EPHA6: variants seen among roughly 807,000 people sequenced by gnomAD.
The protein encoded by EPHA6 is EPH receptor A6, also known as ephrin type-A receptor 6.
Under a neutral mutation model 112.0 loss-of-function variants are expected in EPHA6, and 50 were observed. That is an observed-to-expected ratio of 0.45 (90% CI 0.36 to 0.56). The LOEUF (loss-of-function observed/expected upper bound fraction) is 0.56, where lower values mean the gene tolerates loss of function less well. Among genes scored for constraint, EPHA6 ranks in the 20% least tolerant of loss-of-function variants. EPHA6 has a pLI of 0.00. For synonymous variants in EPHA6, 529 were observed against 490.7 expected (o/e 1.08, Z -1.03); for missense variants, 1,280 against 1,417.4 (o/e 0.90, Z 1.56).
At chr3:97,054,071 G>A (rs1345967094) in intron 3 of EPHA6, among the ~76,000 whole-genome samples, 2 of 151,716 alleles carry the variant, frequency 1.3e-5, no homozygotes, top group African/African-American at 4.8e-5. Context: ...CACCTAGGGG[G>A]CTTACTACAT....
intron 14 of EPHA6, chr3:97,646,055 T>C: frequency 7.9e-7 from 1 of 1,265,040 alleles, no homozygotes; most frequent in South Asian, 1.6e-5. Context: ...ATGGAAGCTA[T>C]CCTTTTCTAA....
intron 1 of EPHA6, among the ~76,000 whole-genome samples, chr3:96,839,639 C>T (rs1025852834): frequency 1.3e-5 from 2 of 151,838 alleles, no homozygotes; most frequent in African/African-American, 4.8e-5. Context: ...AGAATGCTTA[C>T]CCTGGAAATG....
chr3:97,148,955 C>T (rs1318148911), intron 3 of EPHA6, among the ~76,000 whole-genome samples: 1 of 152,096 alleles, frequency 6.6e-6, no homozygotes, highest in Non-Finnish European at 1.5e-5. Flanking sequence ...ATTTTGGCCC[C>T]TCTTGCTGAA....
intron 3 of EPHA6, among the ~76,000 whole-genome samples, chr3:97,177,123 C>T (rs1046879040): frequency 6.6e-6 from 1 of 151,776 alleles, no homozygotes; most frequent in Admixed American, 6.6e-5. Flanking sequence ...TTATTAATTT[C>T]TTCATTGACC....
At chr3:97,105,811 A>G (rs2047550564) in intron 3 of EPHA6, among the ~76,000 whole-genome samples, 1 of 152,094 alleles carries the variant, frequency 6.6e-6, no homozygotes, top group South Asian at 2.1e-4. Context: ...GTCTCTAAGA[A>G]CTTGTTTTAT....
At chr3:97,183,857 A>G (rs974258736) in intron 3 of EPHA6, among the ~76,000 whole-genome samples, 1 of 152,124 alleles carries the variant, frequency 6.6e-6, no homozygotes, top group Non-Finnish European at 1.5e-5. Context: ...TGGATTCTGC[A>G]GAAGCTGATA....
chr3:97,169,692 T>G (rs1163149560), intron 3 of EPHA6, among the ~76,000 whole-genome samples: 1 of 152,190 alleles, frequency 6.6e-6, no homozygotes, highest in Non-Finnish European at 1.5e-5. Context: ...ATGCAGCCAT[T>G]TATGTATTGA....
intron 6 of EPHA6, among the ~76,000 whole-genome samples, chr3:97,443,359 CAAAAAA>C (rs5851066): frequency 1.5e-5 from 1 of 68,230 alleles, no homozygotes; most frequent in African/African-American, 5.1e-5. Flanking sequence ...TAAGACATCG[CAAAAAA>C]AAAAAAAAAA....
At chr3:97,598,138 AT>A (rs1004804695) in intron 12 of EPHA6, among the ~76,000 whole-genome samples, 31 of 151,002 alleles carry the variant, frequency 2.1e-4, no homozygotes, top group East Asian at 1.8e-3. Flanking sequence ...TTTATTTTTT[AT>A]TTTTTTTATT....
intron 3 of EPHA6, among the ~76,000 whole-genome samples, chr3:97,067,673 G>A (rs187404074): frequency 1.3e-5 from 2 of 152,122 alleles, no homozygotes; most frequent in South Asian, 2.1e-4. Flanking sequence ...TTAAAGAGGA[G>A]CAATTTTCAA....
At chr3:96,848,628 A>T (rs1050925748) in intron 1 of EPHA6, among the ~76,000 whole-genome samples, 6 of 135,238 alleles carry the variant, frequency 4.4e-5, no homozygotes, top group Non-Finnish European at 8.8e-5. Context: ...CCGTCTATTT[A>T]AAAAAAATTA....
At chr3:97,186,221 AT>A (rs1049244633) in intron 3 of EPHA6, among the ~76,000 whole-genome samples, 1 of 150,220 alleles carries the variant, frequency 6.7e-6, no homozygotes, top group Non-Finnish European at 1.5e-5. Context: ...ATAAAAAAAA[AT>A]GTCATCCTCA....
chr3:97,116,873 A>C (rs944604704), intron 3 of EPHA6, among the ~76,000 whole-genome samples: 1 of 151,648 alleles, frequency 6.6e-6, no homozygotes, highest in Non-Finnish European at 1.5e-5. Context: ...GCTGGATCAT[A>C]TGGTAGTTTT....
intron 6 of EPHA6, among the ~76,000 whole-genome samples, chr3:97,409,339 G>A (rs554819491): frequency 6.6e-6 from 1 of 152,170 alleles, no homozygotes; most frequent in East Asian, 1.9e-4. Context: ...TATATGCCAG[G>A]TAATCTTTTA....
At chr3:96,823,030 A>T (rs1214001317) in intron 1 of EPHA6, among the ~76,000 whole-genome samples, 1 of 151,728 alleles carries the variant, frequency 6.6e-6, no homozygotes, top group Non-Finnish European at 1.5e-5. Context: ...ATATATTCTA[A>T]GTAAGAATTA....
chr3:97,305,274 G>C (rs922838979), intron 5 of EPHA6, among the ~76,000 whole-genome samples: 4 of 152,056 alleles, frequency 2.6e-5, no homozygotes, highest in African/African-American at 9.7e-5. Context: ...GTTTTACACT[G>C]TTGGTAGGAA....
At chr3:97,659,440 G>T in intron 14 of EPHA6, among the ~76,000 whole-genome samples, 1 of 151,978 alleles carries the variant, frequency 6.6e-6, no homozygotes, top group Admixed American at 6.6e-5. Context: ...TGATGAAAAT[G>T]TCCCACAGGG....
intron 6 of EPHA6, among the ~76,000 whole-genome samples, chr3:97,441,630 C>G (rs77189794): frequency 9.9e-5 from 15 of 151,848 alleles, no homozygotes; most frequent in Admixed American, 9.8e-4. Flanking sequence ...TTGGTTTGCA[C>G]AGTAAAATAT....
chr3:97,639,331 T>G (rs1014579816), intron 14 of EPHA6, among the ~76,000 whole-genome samples: 35 of 151,984 alleles, frequency 2.3e-4, no homozygotes, highest in African/African-American at 8.2e-4. Flanking sequence ...ATCATAATTA[T>G]TTTCATTTTT....
Sources: allele counts gnomAD v4.1 joint callset (sites outside exome capture counted in the v4.1 genomes callset), GRCh38; gene constraint gnomAD v4.1.1; transcripts MANE v1.5; gene names NCBI Gene and HGNC (gene_info 2026-07-23, HGNC 2026-07-21).